The following UGT2B28 variants were observed in gnomAD, a reference collection of about 807,000 sequenced individuals.
UGT2B28 encodes the protein UDP glucuronosyltransferase family 2 member B28.
In UGT2B28, 45 loss-of-function variants were observed where a neutral mutation model predicts 43.6. The observed-to-expected ratio is 1.03, with a 90% CI of 0.81 to 1.32. UGT2B28 has a LOEUF of 1.32. Ranked by LOEUF, UGT2B28 falls within the 40% of genes most tolerant of loss-of-function variation. The pLI, the probability that UGT2B28 is intolerant of heterozygous loss-of-function variation, is 0.00. For missense variants in UGT2B28, 649 were observed against 625.5 expected, an observed-to-expected ratio of 1.04 and a Z score of -0.40; for synonymous variants, 204 against 208.1, an observed-to-expected ratio of 0.98 and a Z score of 0.17.
chr4:69,291,487 GC>G, intron 5 of UGT2B28, among the ~76,000 whole-genome samples: 1 of 140,770 alleles, frequency 7.1e-6, no homozygotes, highest in African/African-American at 2.8e-5. Context: ...AGTCTCAGGT[GC>G]TGTGTAAATG....
In UGT2B28 at chr4:69,286,812, T is replaced by G. The variant is rs749301795; in HGVS notation, c.931T>G (p.Ser311Ala). The G allele has an allele frequency of 3.9e-6, 6 of 1,556,502 alleles. 2 individuals are homozygous for G. The South Asian group carries it at 7.1e-5, about 18-fold the overall frequency. ...TGGTGTTGTGGTGTTTTCTCTGGGG[T>G]CAGTGATAAGTAACATGACAGCAGA... ...ENGVVVFSLG[S>A]VISNMTAERA... Residue 311 changes from serine (S) to alanine (A), a missense_variant, in exon 3 of 6, where the codon TCA becomes GCA. Transcript: ENST00000335568.
chr4:69,283,159 G>A (rs1286873424), intron 2 of UGT2B28, among the ~76,000 whole-genome samples: 1 of 139,818 alleles, frequency 7.2e-6, no homozygotes, highest in African/African-American at 2.8e-5. Flanking sequence ...TGGAGTCATG[G>A]ATTAGTAAGA....
At chr4:69,290,530 A>T (rs1431473524) in intron 4 of UGT2B28, 62 bp from the exon 5 acceptor site, 1 of 1,525,026 alleles carries the variant, frequency 6.6e-7, no homozygotes, top group Non-Finnish European at 8.9e-7. Context: ...CTTTCAGAGC[A>T]TTTCATTGTG....
chr4:69,284,851 A>T (rs1343198725), intron 2 of UGT2B28, among the ~76,000 whole-genome samples: 2 of 140,364 alleles, frequency 1.4e-5, no homozygotes, highest in African/African-American at 5.5e-5. Flanking sequence ...AGAATAAGAC[A>T]CTTGACAAAC....
chr4:69,289,603 T>C, intron 3 of UGT2B28, 62 bp from the exon 4 acceptor site: 1 of 1,407,030 alleles, frequency 7.1e-7, no homozygotes, highest in South Asian at 1.3e-5. Flanking sequence ...TTTTTACAGT[T>C]CTAACATTCT....
intron 4 of UGT2B28, among the ~76,000 whole-genome samples, 183 bp downstream of exon 4, chr4:69,289,935 C>T (rs1377701290): frequency 2.1e-5 from 3 of 140,594 alleles, no homozygotes; most frequent in Non-Finnish European, 4.6e-5. Context: ...ATGATATTCA[C>T]TCATATACTT....
chr4:69,293,952 G>C (rs1724027461), intron 5 of UGT2B28, among the ~76,000 whole-genome samples: 2 of 140,162 alleles, frequency 1.4e-5, no homozygotes, highest in South Asian at 4.8e-4. Context: ...CAAGCCATGA[G>C]GTATGTCACT....
intron 5 of UGT2B28, among the ~76,000 whole-genome samples, chr4:69,291,806 A>C (rs1664150947): frequency 7.1e-6 from 1 of 140,578 alleles, no homozygotes; most frequent in South Asian, 2.4e-4. Context: ...TGTTTTCCAA[A>C]GTAATTGTTC....
At chr4:69,292,393 A>C (rs1028025211) in intron 5 of UGT2B28, among the ~76,000 whole-genome samples, 4 of 140,472 alleles carry the variant, frequency 2.8e-5, no homozygotes, top group Non-Finnish European at 6.1e-5. Flanking sequence ...TAGAAGGATA[A>C]TGAATGATCA....
Position 69,286,871 on chromosome 4 carries a change from G to C in UGT2B28, c.990G>C (p.Lys330Asn), listed in dbSNP as rs765008644. The change falls in exon 3 of 6, where the codon AAG becomes AAC. Residue 330 changes from lysine (K) to asparagine (N), a missense_variant. Transcript: ENST00000335568. ...RANVIATALA[K>N]IPQKVLWRFD... ...ACGTAATTGCAACAGCCCTTGCCAA[G>C]ATCCCACAAAAGGTAAGATAAAGTG... The C allele has an allele frequency of 6.4e-7, 1 of 1,554,460 alleles. No homozygotes were observed. Among genetic ancestry groups the C allele is most frequent in the Non-Finnish European group, 8.7e-7 (1 of 1,153,188 alleles).
Position 69,281,358 on chromosome 4 carries a change from A to G in UGT2B28, c.721+137A>G. 2.7e-6 allele frequency: 3 copies of G among 1,103,508 alleles called. 1 individual carries two copies. Among genetic ancestry groups the G allele is most frequent in the South Asian group, 4.5e-5 (2 of 44,890 alleles). 68.4% of individuals were successfully genotyped at this position (1,103,508 alleles called of 1,614,324 possible). Reference sequence around the variant, plus strand: ...ATGAAATGAAAATACAAGATGATCTATCAATCTCACAAACATTATAGAAAA... The same window carrying G: ...ATGAAATGAAAATACAAGATGATCTGTCAATCTCACAAACATTATAGAAAA... On this transcript the variant is annotated intron_variant, in intron 1 of 5. Transcript: ENST00000335568.
At chr4:69,289,841 T>A (rs1723897238) in intron 4 of UGT2B28, 89 bp downstream of exon 4, 1 of 1,296,450 alleles carries the variant, frequency 7.7e-7, no homozygotes, top group Non-Finnish European at 1.0e-6. Context: ...TATTGAATAT[T>A]TATTATAGGA....
intron 3 of UGT2B28, among the ~76,000 whole-genome samples, chr4:69,288,636 T>C (rs1723850404): frequency 7.1e-6 from 1 of 140,032 alleles, no homozygotes; most frequent in Non-Finnish European, 1.5e-5. Context: ...TGCAGGTTTT[T>C]TACATAGGTA....
chr4:69,290,185 G>A lies in UGT2B28; in HGVS notation c.1091-407G>A, dbSNP rs1445269563. 1.4e-5 allele frequency among the ~76,000 whole-genome samples: 2 copies of A among 140,048 alleles called. 1 individual carries two copies. Among genetic ancestry groups the A allele is most frequent in the African/African-American group, 5.6e-5 (2 of 35,766 alleles). 91.9% of individuals were successfully genotyped at this position (140,048 alleles called of 152,430 possible). On this transcript the variant is annotated intron_variant, in intron 4 of 5. Transcript: ENST00000335568. ...ATCTTAAAGTAGTGACACATTTCAT[G>A]ATGAAGTGTAACCTGTCTTTCCTCA...
At chr4:69,282,996 C>G (rs1246808391) in intron 2 of UGT2B28, among the ~76,000 whole-genome samples, 1 of 139,722 alleles carries the variant, frequency 7.2e-6, no homozygotes, top group Non-Finnish European at 1.5e-5. Flanking sequence ...GCAGAAATTT[C>G]AGAGAAAAAA....
In UGT2B28 at chr4:69,288,429, A is replaced by T. The variant is rs1457262187; in HGVS notation, c.1003-1236A>T. ...TCATATTATTCAAAAACAAATGAAT[A>T]TATTACAATTAAATTTGGAGATGAA... On this transcript the variant is annotated intron_variant, in intron 3 of 5. Transcript: ENST00000335568. Among the ~76,000 whole-genome samples, 4 of 139,950 alleles carry T rather than the reference A, an allele frequency of 2.9e-5. 1 individual carries two copies. The highest frequency in any genetic ancestry group is 1.1e-4 in the African/African-American group (4 of 36,004). The allele number at this position is 139,950 out of a possible 152,430, so 91.8% of individuals were successfully genotyped here. A position where few individuals can be genotyped will look rare whatever the true frequency, so the allele number is the denominator to read the frequency against.
intron 1 of UGT2B28, 33 bp downstream of exon 1, chr4:69,281,254 C>T (rs745709153): frequency 6.8e-7 from 1 of 1,463,644 alleles, no homozygotes; most frequent in East Asian, 2.3e-5. Context: ...ACTTGAAGAT[C>T]TAACTTATTT....
intron 4 of UGT2B28, among the ~76,000 whole-genome samples, chr4:69,290,267 C>G (rs1474346529): frequency 7.1e-6 from 1 of 139,918 alleles, no homozygotes; most frequent in Non-Finnish European, 1.5e-5. Context: ...ACATATCACA[C>G]TCTGTGACAG....
intron 2 of UGT2B28, among the ~76,000 whole-genome samples, chr4:69,285,864 G>T (rs1230997811): frequency 1.4e-5 from 2 of 140,984 alleles, no homozygotes; most frequent in Non-Finnish European, 3.0e-5. Flanking sequence ...AAGGCCTGGT[G>T]GCCTCTTCTA....
Sources: allele counts gnomAD v4.1 joint callset (sites outside exome capture counted in the v4.1 genomes callset), GRCh38; gene constraint gnomAD v4.1.1; transcripts MANE v1.5; gene names NCBI Gene and HGNC (gene_info 2026-07-23, HGNC 2026-07-21).